The following ASPH variants were observed in gnomAD, a reference collection of about 807,000 sequenced individuals.
ASPH encodes aspartyl/asparaginyl beta-hydroxylase.
ASPH carries 100 observed loss-of-function variants against 118.4 expected under a neutral mutation model. The observed-to-expected ratio is 0.84, with a 90% confidence interval of 0.72 to 1.00. ASPH has a LOEUF of 1.00. Among genes scored for constraint, ASPH ranks in the 50% least tolerant of loss-of-function variants. The probability of loss-of-function intolerance (pLI) is 0.00; values close to 1 mark genes in which losing one functional copy is unlikely to be tolerated. For synonymous variants in ASPH, 315 were observed against 325.6 expected, an observed-to-expected ratio of 0.97 and a Z score of 0.35; for missense variants, 920 against 919.5, an observed-to-expected ratio of 1.00 and a Z score of -0.01.
intron 21 of ASPH, among the ~76,000 whole-genome samples, chr8:61,529,373 T>C (rs2129629863): frequency 1.3e-5 from 2 of 152,304 alleles, no homozygotes; most frequent in Middle Eastern, 3.4e-3. Context: ...TGCTCCCTGG[T>C]GAGCGCCCTG....
chr8:61,706,253 T>C (rs1836583101), intron 1 of ASPH, among the ~76,000 whole-genome samples: 1 of 150,872 alleles, frequency 6.6e-6, no homozygotes, highest in Admixed American at 6.6e-5. Flanking sequence ...CAAAACCCCA[T>C]CTGTACAAGA....
intron 4 of ASPH, among the ~76,000 whole-genome samples, chr8:61,653,177 G>C (rs1355508972): frequency 1.3e-5 from 2 of 151,986 alleles, no homozygotes; most frequent in Non-Finnish European, 2.9e-5. Context: ...ATGTAAAAAA[G>C]ACTGAGAAAC....
At chr8:61,669,816 T>C (rs1821509007) in intron 3 of ASPH, among the ~76,000 whole-genome samples, 1 of 152,276 alleles carries the variant, frequency 6.6e-6, no homozygotes, top group South Asian at 2.1e-4. Flanking sequence ...ACTGTTATGA[T>C]CTAGGTAAAA....
intron 3 of ASPH, among the ~76,000 whole-genome samples, chr8:61,668,719 G>A (rs939166252): frequency 6.6e-6 from 1 of 152,122 alleles, no homozygotes; most frequent in African/African-American, 2.4e-5. Context: ...CATCTTTACT[G>A]TTTGAACAAT....
At chr8:61,588,801 G>A (rs1237653967) in intron 14 of ASPH, among the ~76,000 whole-genome samples, 6 of 152,064 alleles carry the variant, frequency 3.9e-5, no homozygotes, top group East Asian at 3.9e-4. Flanking sequence ...TCATGAAGAC[G>A]TACACAAAGA....
chr8:61,599,637 G>A (rs573988225), intron 14 of ASPH, among the ~76,000 whole-genome samples: 1 of 152,120 alleles, frequency 6.6e-6, no homozygotes, highest in Non-Finnish European at 1.5e-5. Context: ...AGACTATTAT[G>A]AACAATCATA....
At chr8:61,653,110 G>C (rs12677072) in intron 4 of ASPH, among the ~76,000 whole-genome samples, 1 of 152,094 alleles carries the variant, frequency 6.6e-6, no homozygotes, top group Non-Finnish European at 1.5e-5. Flanking sequence ...CACAAAACAG[G>C]CTCCATAGAT....
chr8:61,653,353 C>A (rs768591064), intron 4 of ASPH, among the ~76,000 whole-genome samples: 2 of 152,206 alleles, frequency 1.3e-5, no homozygotes, highest in East Asian at 3.8e-4. Flanking sequence ...GGACAAAGAA[C>A]AACTGTCTGC....
intron 4 of ASPH, 98 bp downstream of exon 4, chr8:61,653,470 T>C: frequency 2.6e-6 from 3 of 1,132,804 alleles, no homozygotes; most frequent in South Asian, 3.0e-5. Flanking sequence ...CTGTAAATGA[T>C]GTGAAACAAA....
chr8:61,714,162 G>A (rs1336044985), intron 1 of ASPH, 107 bp downstream of exon 1: 3 of 1,270,088 alleles, frequency 2.4e-6, no homozygotes, highest in African/African-American at 1.6e-5. Flanking sequence ...GGGGATGGAG[G>A]CGGCGCGCGG....
At chr8:61,626,248 T>TG (rs1477720934) in intron 13 of ASPH, 1 of 1,549,414 alleles carries the variant, frequency 6.5e-7, no homozygotes, top group Non-Finnish European at 8.7e-7. Context: ...CCTCCTGTGG[T>TG]GGTAGGGGCA....
Position 61,553,017 on chromosome 8 carries a change from C to T in ASPH, c.1626+14G>A. ...CCTCTGTTAGAGAGAATCAGAAATT[C>T]ATATACCCATTACCTCTTTGTTCCC... On this transcript the variant is annotated intron_variant, in intron 20 of 24. Transcript: ENST00000379454. 6.3e-7 allele frequency: 1 copy of T among 1,583,730 alleles called. No individual in the cohort carries two copies. The highest frequency in any genetic ancestry group is 8.7e-7 in the Non-Finnish European group (1 of 1,153,194).
chr8:61,609,174 G>A (rs868653479), intron 14 of ASPH, among the ~76,000 whole-genome samples: 10 of 152,134 alleles, frequency 6.6e-5, no homozygotes, highest in Admixed American at 2.0e-4. Flanking sequence ...AGCTCCTAAC[G>A]ACGTGGCAGG....
rs752169931 is a variant in ASPH at position 61,555,949 on chromosome 8, A to C, written c.1511T>G (p.Ile504Ser). The C allele has an allele frequency of 1.2e-6, 2 of 1,614,090 alleles. No individual in the cohort carries two copies. The highest frequency in any genetic ancestry group is 1.7e-6 in the Non-Finnish European group (2 of 1,179,980). The change falls in exon 19 of 25, where the codon ATT (isoleucine) becomes AGT (serine). Residue 504 changes from isoleucine to serine, a missense_variant. Transcript: ENST00000379454. ...CTTTAAATATGGGATGCTCTCAGCA[A>C]TTTTGTTCTGTGCCTTCAGGATGAA... Reference protein sequence around the residue: ...YGFILKAQNKIAESIPYLKEG... With the variant: ...YGFILKAQNKSAESIPYLKEG...
chr8:61,627,353 A>T (rs1853376279), intron 13 of ASPH, among the ~76,000 whole-genome samples: 1 of 152,204 alleles, frequency 6.6e-6, no homozygotes, highest in East Asian at 1.9e-4. Flanking sequence ...GTGTTTATGG[A>T]TCTTAAATTC....
chr8:61,528,531 C>T (rs1816347050), intron 21 of ASPH, among the ~76,000 whole-genome samples: 1 of 152,158 alleles, frequency 6.6e-6, no homozygotes, highest in Non-Finnish European at 1.5e-5. Context: ...TTTATTCCCT[C>T]CTGATATTTT....
chr8:61,671,355 G>C (rs1822406977), intron 3 of ASPH, among the ~76,000 whole-genome samples: 1 of 152,204 alleles, frequency 6.6e-6, no homozygotes, highest in Admixed American at 6.5e-5. Flanking sequence ...AGAAAAAAGG[G>C]AACATTCCAC....
chr8:61,525,838 C>G (rs1815121315), intron 22 of ASPH, 139 bp downstream of exon 22: 2 of 1,233,946 alleles, frequency 1.6e-6, no homozygotes, highest in Non-Finnish European at 2.3e-6. Context: ...GAATGGATTT[C>G]AAAAATCTAG....
At chr8:61,535,027 CTCTT>C (rs909632866) in intron 21 of ASPH, among the ~76,000 whole-genome samples, 53 of 152,216 alleles carry the variant, frequency 3.5e-4, no homozygotes, top group Non-Finnish European at 1.3e-4. Flanking sequence ...CTGGGTGTCT[CTCTT>C]TGTTTCCAAA....
Sources: gnomAD v4.1 joint callset for allele counts (sites outside exome capture counted in the v4.1 genomes callset) on GRCh38, gnomAD v4.1.1 for gene constraint, MANE v1.5 for transcripts, NCBI Gene and HGNC (gene_info 2026-07-23, HGNC 2026-07-21) for gene names.